The following MINDY2 variants were observed in gnomAD, a reference collection of about 807,000 sequenced individuals.
MINDY2 encodes the protein ubiquitin carboxyl-terminal hydrolase MINDY-2.
A neutral mutation model predicts 68.2 loss-of-function variants in MINDY2; 52 were observed. The ratio of observed to expected loss-of-function variants is 0.76; its 90% CI spans 0.61 to 0.96. The LOEUF is 0.96. Ranked by LOEUF, MINDY2 falls within the 40% of genes least tolerant of loss-of-function variation. The pLI, the probability that MINDY2 is intolerant of heterozygous loss-of-function variation, is 0.00. For synonymous variants in MINDY2, 372 were observed against 303.0 expected, an observed-to-expected ratio of 1.23 and a Z score of -2.36; for missense variants, 881 against 773.4, an observed-to-expected ratio of 1.14 and a Z score of -1.65.
chr15:58,860,561 G>A lies in MINDY2; in HGVS notation c.*5951G>A, dbSNP rs981649926. On this transcript the variant is annotated 3_prime_UTR_variant, in exon 9 of 9. Transcript: ENST00000559228. ...TGCACTCCAGCCTGGGCGACTGAGCGAGACTCTTATATCTCAAAAAAAAAA... is the reference window on the plus strand; with the variant it reads ...TGCACTCCAGCCTGGGCGACTGAGCAAGACTCTTATATCTCAAAAAAAAAA... The A allele has an allele frequency of 6.4e-5, 9 of 141,022 alleles. No individual in the cohort carries two copies. In the East Asian group the frequency reaches 1.2e-3, roughly 19 times the overall value. The allele number at this position is 141,022 out of a possible 1,614,324, so 8.7% of individuals were successfully genotyped here. A position where few individuals can be genotyped will look rare whatever the true frequency, so the allele number is the denominator to read the frequency against.
In MINDY2 at chr15:58,826,633, T is replaced by C. The variant is rs545830239; in HGVS notation, c.1225+4814T>C. Reference sequence around the variant, plus strand: ...CTCCTAAGAACAAGGAATTCTCTTATATAAATTCTCCTATATAATCACAAT... The same window carrying C: ...CTCCTAAGAACAAGGAATTCTCTTACATAAATTCTCCTATATAATCACAAT... On this transcript the variant is annotated intron_variant, in intron 5 of 8. Transcript: ENST00000559228. Among the ~76,000 whole-genome samples the C allele has an allele frequency of 5.9e-5, 9 of 152,346 alleles. No homozygotes were observed. The East Asian group carries it at 1.5e-3, about 26-fold the overall frequency.
intron 2 of MINDY2, among the ~76,000 whole-genome samples, chr15:58,795,339 G>T (rs985578228): frequency 3.9e-5 from 6 of 152,124 alleles, no homozygotes; most frequent in Admixed American, 1.3e-4. Context: ...GGCCTTTATA[G>T]ACACTTTTGT....
intron 5 of MINDY2, among the ~76,000 whole-genome samples, chr15:58,828,714 C>T (rs1669159156): frequency 6.6e-6 from 1 of 151,530 alleles, no homozygotes; most frequent in East Asian, 1.9e-4. Flanking sequence ...GCGCCTGCCA[C>T]CATGCCTGGC....
chr15:58,833,091 C>T (rs1197462021), intron 6 of MINDY2, among the ~76,000 whole-genome samples: 1 of 152,116 alleles, frequency 6.6e-6, no homozygotes, highest in Admixed American at 6.6e-5. Flanking sequence ...TTTGTTGTTA[C>T]AGCTGTCACT....
At chr15:58,828,782 C>T (rs1410461388) in intron 5 of MINDY2, among the ~76,000 whole-genome samples, 2 of 151,732 alleles carry the variant, frequency 1.3e-5, no homozygotes, top group African/African-American at 4.8e-5. Flanking sequence ...AGGATGGTCT[C>T]GATCTCCTGA....
chr15:58,787,140 C>CTTTTT lies in MINDY2; in HGVS notation c.841-746_841-742dup, dbSNP rs58374538. ...CCCATATGCCCAGCCCATTTCTTTA[C>CTTTTT]TTTTTTTTTTTTTTTTTTTTTTTTA... On this transcript the variant is annotated intron_variant, in intron 1 of 8. Coordinates refer to ENST00000559228, the MANE Select transcript of MINDY2 (RefSeq NM_001040450.3). 9.7e-4 allele frequency among the ~76,000 whole-genome samples: 76 copies of CTTTTT among 78,142 alleles called. 3 individuals carry two copies. In the East Asian group the frequency reaches 0.016, roughly 17 times the overall value. The allele number at this position is 78,142 out of a possible 152,430, so 51.3% of individuals were successfully genotyped here. A position where few individuals can be genotyped will look rare whatever the true frequency, so the allele number is the denominator to read the frequency against.
rs2032834153 is a variant in MINDY2 at position 58,851,928 on chromosome 15, C to A, written c.1700C>A (p.Ala567Glu). The part of the protein sequence containing the change: ...ASQYYQEQEQ[A>E]AAAAAAASTQ... ...CAATACTATCAGGAACAGGAACAAG[C>A]AGCAGCTGCTGCTGCTGCTGCTTCT... is the stretch of plus-strand genomic sequence containing the variant. The change falls in exon 8 of 9, where the codon GCA (alanine) becomes GAA (glutamate). Residue 567 changes from alanine (A) to glutamate (E), a missense_variant. Coordinates refer to ENST00000559228, the MANE Select transcript of MINDY2 (RefSeq NM_001040450.3). 1.9e-6 allele frequency: 3 copies of A among 1,593,746 alleles called. No homozygotes were observed. Among genetic ancestry groups the A allele is most frequent in the Non-Finnish European group, 2.6e-6 (3 of 1,175,028 alleles).
At chr15:58,779,650 T>G (rs1901005943) in intron 1 of MINDY2, among the ~76,000 whole-genome samples, 1 of 152,238 alleles carries the variant, frequency 6.6e-6, no homozygotes, top group Admixed American at 6.5e-5. Flanking sequence ...GATTAAAACT[T>G]CACACAATTG....
chr15:58,851,737 C>T (rs2032822833), intron 7 of MINDY2, 34 bp from the exon 8 acceptor site: 2 of 1,472,270 alleles, frequency 1.4e-6, no homozygotes, highest in Admixed American at 2.3e-5. Flanking sequence ...GGTAAAATCT[C>T]ATAGCTAATG....
At chr15:58,786,611 A>G (rs2140915475) in intron 1 of MINDY2, among the ~76,000 whole-genome samples, 1 of 152,332 alleles carries the variant, frequency 6.6e-6, no homozygotes, top group East Asian at 1.9e-4. Flanking sequence ...ATTGTGAAAT[A>G]TAACACATAG....
intron 5 of MINDY2, among the ~76,000 whole-genome samples, chr15:58,825,112 G>C (rs2031309098): frequency 1.3e-5 from 2 of 152,096 alleles, no homozygotes; most frequent in Admixed American, 1.3e-4. Flanking sequence ...TAAAAAATAA[G>C]TTTTGGTCAC....
rs1468056641 is a variant in MINDY2 at position 58,858,565 on chromosome 15, A to C, written c.*3955A>C. On this transcript the variant is annotated 3_prime_UTR_variant, in exon 9 of 9. Transcript: ENST00000559228. ...TGTTCACATGTGAACTACATATCTA[A>C]AATCTTGGAGAAAAATCAAGGCAAG... The C allele has an allele frequency of 6.6e-6, 1 of 152,146 alleles. No homozygotes were observed. Among genetic ancestry groups the C allele is most frequent in the Non-Finnish European group, 1.5e-5 (1 of 67,990 alleles). The allele number at this position is 152,146 out of a possible 1,614,324, so 9.4% of individuals were successfully genotyped here.
intron 1 of MINDY2, among the ~76,000 whole-genome samples, chr15:58,776,908 C>A (rs117140028): frequency 2.0e-5 from 3 of 151,916 alleles, no homozygotes; most frequent in African/African-American, 7.3e-5. Flanking sequence ...AAAATTGAAG[C>A]CTCATATTTT....
chr15:58,833,869 C>G (rs765734805), intron 6 of MINDY2, among the ~76,000 whole-genome samples: 1 of 152,088 alleles, frequency 6.6e-6, no homozygotes, highest in Non-Finnish European at 1.5e-5. Flanking sequence ...TTCCTCAGCA[C>G]AGACCCTTTA....
rs553596891 is a variant in MINDY2 at position 58,771,641 on chromosome 15, C to T, written c.246C>T (p.Ser82=). 83 of 1,612,492 alleles carry T rather than the reference C, an allele frequency of 5.1e-5. No homozygotes were observed. In the East Asian group the frequency reaches 1.6e-3, roughly 31 times the overall value. Residue 82 remains serine, a synonymous_variant, in exon 1 of 9, where the codon TCC becomes TCT. Coordinates refer to ENST00000559228, the MANE Select transcript of MINDY2 (RefSeq NM_001040450.3). ...AGGTTCCCGGACCCTGCAGCTCCTC[C>T]GCGGGTTTGGACTTGAAGGACAGTG... ...SPEVPGPCSS[S]AGLDLKDSGL...
intron 1 of MINDY2, among the ~76,000 whole-genome samples, chr15:58,779,478 A>G (rs1567037157): frequency 6.6e-6 from 1 of 152,132 alleles, no homozygotes; most frequent in Admixed American, 6.5e-5. Flanking sequence ...TTGCAGAAAC[A>G]TTGTAATCAC....
At chr15:58,784,839 T>C (rs1829874483) in intron 1 of MINDY2, among the ~76,000 whole-genome samples, 1 of 151,892 alleles carries the variant, frequency 6.6e-6, no homozygotes, top group Non-Finnish European at 1.5e-5. Flanking sequence ...CTCCCTGTAT[T>C]GCTTAGGCTG....
rs1188514448 is a variant in MINDY2 at position 58,801,380 on chromosome 15, T to TAAA, written c.899-906_899-904dup. On this transcript the variant is annotated intron_variant, in intron 2 of 8. Transcript: ENST00000559228. The stretch of plus-strand genomic sequence containing the variant: ...TGCAACATGGCAAGACCCCATCTCT[T>TAAA]AAAAAAAAAAAAAAAAAAAAAAAAA... Among the ~76,000 whole-genome samples, 20 of 22,618 alleles carry TAAA rather than the reference T, an allele frequency of 8.8e-4. 2 individuals are homozygous for TAAA. Among genetic ancestry groups the TAAA allele is most frequent in the East Asian group, 5.0e-3 (3 of 598 alleles). The allele number at this position is 22,618 out of a possible 152,430, so 14.8% of individuals were successfully genotyped here.
intron 8 of MINDY2, 78 bp from the exon 9 acceptor site, chr15:58,854,404 A>AG: frequency 2.0e-6 from 3 of 1,501,206 alleles, no homozygotes; most frequent in Non-Finnish European, 2.7e-6. Context: ...CCACTGTTAC[A>AG]GTTTTCCTTT....
Sources: gnomAD v4.1 joint callset for allele counts (sites outside exome capture counted in the v4.1 genomes callset) on GRCh38, gnomAD v4.1.1 for gene constraint, MANE v1.5 for transcripts, NCBI Gene and HGNC (gene_info 2026-07-23, HGNC 2026-07-21) for gene names.